The following BMPR1A variants were observed in gnomAD, a reference collection of about 807,000 sequenced individuals.
BMPR1A encodes the protein bone morphogenetic protein receptor type 1A, also known as bone morphogenetic protein receptor type-1A.
A neutral mutation model predicts 66.0 loss-of-function variants in BMPR1A; 7 were observed. That is an observed-to-expected ratio of 0.11 (90% CI 0.06 to 0.20). The LOEUF is 0.20. BMPR1A is among the 10% of genes least tolerant of loss of function. The pLI is 1.00. For missense variants in BMPR1A, 408 were observed against 669.1 expected, an observed-to-expected ratio of 0.61 and a Z score of 4.31; for synonymous variants, 200 against 229.7, an observed-to-expected ratio of 0.87 and a Z score of 1.17.
chr10:86,904,812 C>G (rs1376110577), intron 7 of BMPR1A, among the ~76,000 whole-genome samples: 1 of 152,208 alleles, frequency 6.6e-6, no homozygotes, highest in Non-Finnish European at 1.5e-5. Context: ...ACATCAGGAA[C>G]TGGTCATGTA....
Position 86,799,834 on chromosome 10 carries a change from A to G in BMPR1A, c.-267-39031A>G, listed in dbSNP as rs191011760. ...ATTACAAGAGTAATTGTAAATTTAA[A>G]ATGAATTTCTTTCCCATCCCAAACC... On this transcript the variant is annotated intron_variant, in intron 1 of 12. Coordinates refer to ENST00000372037, the MANE Select transcript of BMPR1A (RefSeq NM_004329.3). 3.4e-3 allele frequency among the ~76,000 whole-genome samples: 524 copies of G among 152,266 alleles called. 8 individuals are homozygous for G. The highest frequency in any genetic ancestry group is 0.012 in the African/African-American group (496 of 41,540).
chr10:86,892,862 CA>C (rs575847316), intron 5 of BMPR1A, among the ~76,000 whole-genome samples: 3,752 of 94,024 alleles, frequency 0.04, 133 homozygotes, highest in African/African-American at 0.12. Context: ...GACCCTGTCT[CA>C]AAAAAAAAAA....
At chr10:86,873,293 T>C (rs1021817961) in intron 2 of BMPR1A, among the ~76,000 whole-genome samples, 1 of 152,074 alleles carries the variant, frequency 6.6e-6, no homozygotes, top group African/African-American at 2.4e-5. Flanking sequence ...TAATACGTAC[T>C]CCAGATGCAG....
At chr10:86,825,799 A>C (rs1345194632) in intron 1 of BMPR1A, among the ~76,000 whole-genome samples, 1 of 152,120 alleles carries the variant, frequency 6.6e-6, no homozygotes, top group Non-Finnish European at 1.5e-5. Flanking sequence ...TGTAATTCAC[A>C]ATTTCCAGAA....
At chr10:86,788,374 T>C (rs1227671327) in intron 1 of BMPR1A, among the ~76,000 whole-genome samples, 19 of 152,192 alleles carry the variant, frequency 1.2e-4, no homozygotes, top group Admixed American at 1.2e-3. Flanking sequence ...TTTTATTATT[T>C]ACACAATTGA....
chr10:86,842,500 T>A (rs528358751), intron 2 of BMPR1A, among the ~76,000 whole-genome samples: 1 of 152,146 alleles, frequency 6.6e-6, no homozygotes, highest in Non-Finnish European at 1.5e-5. Flanking sequence ...GGGACAAGGC[T>A]GGAAAGGACC....
chr10:86,840,986 A>G (rs1177392852), intron 2 of BMPR1A, among the ~76,000 whole-genome samples: 1 of 152,078 alleles, frequency 6.6e-6, no homozygotes, highest in African/African-American at 2.4e-5. Context: ...TTCATTTTAC[A>G]TGTTGCTGCC....
At chr10:86,785,472 A>AT (rs2132734102) in intron 1 of BMPR1A, among the ~76,000 whole-genome samples, 1 of 152,130 alleles carries the variant, frequency 6.6e-6, no homozygotes, top group South Asian at 2.1e-4. Context: ...CATCTAGCTA[A>AT]TTTTGTATTT....
chr10:86,780,035 G>C (rs527733922), intron 1 of BMPR1A, among the ~76,000 whole-genome samples: 4 of 152,108 alleles, frequency 2.6e-5, no homozygotes, highest in African/African-American at 9.7e-5. Context: ...CCTCCCGAAC[G>C]CTGGGATTAC....
At chr10:86,903,696 C>A (rs1474049320) in intron 7 of BMPR1A, among the ~76,000 whole-genome samples, 1 of 152,004 alleles carries the variant, frequency 6.6e-6, no homozygotes, top group Admixed American at 6.6e-5. Flanking sequence ...AATGCAAGCT[C>A]CACCTCCCGG....
intron 5 of BMPR1A, among the ~76,000 whole-genome samples, chr10:86,896,644 A>G (rs1230947725): frequency 2.0e-5 from 3 of 152,202 alleles, no homozygotes; most frequent in Non-Finnish European, 4.4e-5. Context: ...TCAAATTGCA[A>G]TGCTATTTAG....
At chr10:86,849,419 G>T (rs1442936276) in intron 2 of BMPR1A, among the ~76,000 whole-genome samples, 3 of 152,246 alleles carry the variant, frequency 2.0e-5, no homozygotes, top group South Asian at 2.1e-4. Context: ...TTTGATGAAG[G>T]CTTATCTGAT....
chr10:86,850,888 C>T (rs570849019), intron 2 of BMPR1A, among the ~76,000 whole-genome samples: 54 of 152,120 alleles, frequency 3.5e-4, no homozygotes, highest in South Asian at 1.0e-3. Context: ...AAAGTAGGTG[C>T]ATTGTTCAGT....
intron 1 of BMPR1A, among the ~76,000 whole-genome samples, chr10:86,832,882 T>C (rs905177991): frequency 7.2e-5 from 11 of 152,242 alleles, no homozygotes; most frequent in Non-Finnish European, 1.3e-4. Flanking sequence ...CATCTGTAGA[T>C]AAATCTTTGT....
intron 5 of BMPR1A, among the ~76,000 whole-genome samples, chr10:86,896,471 T>A (rs1843226098): frequency 6.6e-6 from 1 of 152,164 alleles, no homozygotes; most frequent in Non-Finnish European, 1.5e-5. Context: ...TTTATGTACT[T>A]ATCTTTGATG....
chr10:86,866,625 G>T (rs1247787475), intron 2 of BMPR1A, among the ~76,000 whole-genome samples: 1 of 151,326 alleles, frequency 6.6e-6, no homozygotes, highest in African/African-American at 2.4e-5. Context: ...GGCCAGGCTG[G>T]TCTCGAACGC....
intron 3 of BMPR1A, among the ~76,000 whole-genome samples, chr10:86,882,763 G>A (rs1843007377): frequency 1.3e-5 from 2 of 151,304 alleles, no homozygotes; most frequent in Non-Finnish European, 2.9e-5. Context: ...TCAGGAGTTC[G>A]AGACCAGCCT....
intron 1 of BMPR1A, among the ~76,000 whole-genome samples, chr10:86,808,679 G>C (rs1841924865): frequency 6.6e-6 from 1 of 152,214 alleles, no homozygotes; most frequent in Non-Finnish European, 1.5e-5. Context: ...CAGTTACAAT[G>C]TGGGTGAAAA....
intron 8 of BMPR1A, among the ~76,000 whole-genome samples, chr10:86,915,223 G>A (rs1021984509): frequency 6.6e-6 from 1 of 151,988 alleles, no homozygotes; most frequent in African/African-American, 2.4e-5. Flanking sequence ...TAGAGACAGG[G>A]TTTCACCATG....
Sources: gnomAD v4.1 joint callset for allele counts (sites outside exome capture counted in the v4.1 genomes callset) on GRCh38, gnomAD v4.1.1 for gene constraint, MANE v1.5 for transcripts, NCBI Gene and HGNC (gene_info 2026-07-23, HGNC 2026-07-21) for gene names.